Variants in NECTIN3 observed in about 807,000 individuals in gnomAD.
NECTIN3 encodes nectin cell adhesion molecule 3, also known as nectin-3.
Under a neutral mutation model 49.4 loss-of-function variants are expected in NECTIN3, and 8 were observed. The ratio of observed to expected loss-of-function variants is 0.16; its 90% confidence interval spans 0.10 to 0.29. NECTIN3 has a LOEUF of 0.29. Ranked by LOEUF, NECTIN3 falls within the 10% of genes least tolerant of loss-of-function variation. The pLI is 1.00. For synonymous variants in NECTIN3, 277 were observed against 241.1 expected (o/e 1.15, Z -1.38); for missense variants, 581 against 654.6 (o/e 0.89, Z 1.23).
At chr3:111,174,994 G>T (rs187947210) in intron 7 of NECTIN3, among the ~76,000 whole-genome samples, 88 of 152,244 alleles carry the variant, frequency 5.8e-4, no homozygotes, top group African/African-American at 2.1e-3. Context: ...ATTTCAGTGA[G>T]TGGTGGAGGT....
chr3:111,120,727 A>G (rs932255877), intron 3 of NECTIN3, among the ~76,000 whole-genome samples: 9 of 152,040 alleles, frequency 5.9e-5, no homozygotes, highest in African/African-American at 1.4e-4. Flanking sequence ...TTAGTTTTCT[A>G]TGTAGCTCAC....
chr3:111,145,780 T>C (rs1403751441), intron 6 of NECTIN3, among the ~76,000 whole-genome samples: 4 of 152,222 alleles, frequency 2.6e-5, no homozygotes, highest in Non-Finnish European at 5.9e-5. Context: ...TCTTATGTGG[T>C]TTATTAATGT....
intron 1 of NECTIN3, among the ~76,000 whole-genome samples, chr3:111,087,257 T>G (rs1027823122): frequency 2.0e-5 from 3 of 152,190 alleles, no homozygotes; most frequent in Non-Finnish European, 1.5e-5. Context: ...CAGTGTGATA[T>G]TAAAGTGGTG....
intron 1 of NECTIN3, among the ~76,000 whole-genome samples, chr3:111,094,567 A>G (rs1026259193): frequency 3.3e-5 from 5 of 152,194 alleles, no homozygotes; most frequent in African/African-American, 1.2e-4. Context: ...GCTATGATTT[A>G]TGACATATAA....
chr3:111,140,251 C>A (rs1407307930), downstream of NECTIN3, among the ~76,000 whole-genome samples: 1 of 151,820 alleles, frequency 6.6e-6, no homozygotes. Context: ...TCAATAACTT[C>A]TCCTTCACAT....
intron 7 of NECTIN3, among the ~76,000 whole-genome samples, chr3:111,162,733 C>T (rs2035239134): frequency 6.6e-6 from 1 of 152,162 alleles, no homozygotes; most frequent in Admixed American, 6.5e-5. Flanking sequence ...TTTCTCTCAG[C>T]TTCCATTAAT....
At chr3:111,167,536 A>G (rs2035342033) in intron 7 of NECTIN3, among the ~76,000 whole-genome samples, 1 of 152,232 alleles carries the variant, frequency 6.6e-6, no homozygotes, top group Non-Finnish European at 1.5e-5. Flanking sequence ...AAGAAACAAT[A>G]AAAGCTCAAT....
Position 111,071,975 on chromosome 3 carries a change from G to GC in NECTIN3, c.-41dup. On this transcript the variant is annotated 5_prime_UTR_variant, in exon 1 of 6. Coordinates refer to ENST00000485303, the MANE Select transcript of NECTIN3 (RefSeq NM_015480.3). ...AGCCTGAGGCGCCGGGGCCGGGGGAGCCGGGGGGCGGGCGGGCGAGCGGGC... is the reference window on the plus strand; with the variant it reads ...AGCCTGAGGCGCCGGGGCCGGGGGAGCCCGGGGGGCGGGCGGGCGAGCGGGC... The GC allele has an allele frequency of 3.1e-5, 43 of 1,370,022 alleles. No individual in the cohort carries two copies. Among genetic ancestry groups the GC allele is most frequent in the Non-Finnish European group, 3.8e-5 (40 of 1,050,886 alleles). 84.9% of individuals were successfully genotyped at this position (1,370,022 alleles called of 1,614,324 possible). A position where few individuals can be genotyped will look rare whatever the true frequency, so the allele number is the denominator to read the frequency against.
chr3:111,140,644 T>C (rs1197280148), downstream of NECTIN3, among the ~76,000 whole-genome samples: 2 of 151,910 alleles, frequency 1.3e-5, no homozygotes, highest in Non-Finnish European at 2.9e-5. Flanking sequence ...CATACAATTC[T>C]TCCTTTACAT....
At chr3:111,153,827 A>T (rs1011221572) in intron 7 of NECTIN3, among the ~76,000 whole-genome samples, 2 of 152,010 alleles carry the variant, frequency 1.3e-5, no homozygotes, top group Non-Finnish European at 2.9e-5. Context: ...TTTCTTTGTC[A>T]TTCATTTATC....
At chr3:111,165,000 C>T (rs2035289641) in intron 7 of NECTIN3, among the ~76,000 whole-genome samples, 1 of 152,068 alleles carries the variant, frequency 6.6e-6, no homozygotes. Context: ...TACAGCTAAG[C>T]TTAACTTTAA....
chr3:111,122,810 C>A (rs2034010384), intron 4 of NECTIN3, among the ~76,000 whole-genome samples: 1 of 151,984 alleles, frequency 6.6e-6, no homozygotes, highest in Non-Finnish European at 1.5e-5. Context: ...AAATTTCAAA[C>A]TGTTATACCA....
chr3:111,178,735 T>C (rs896006109), intron 7 of NECTIN3, among the ~76,000 whole-genome samples: 5 of 152,222 alleles, frequency 3.3e-5, no homozygotes, highest in Admixed American at 2.6e-4. Flanking sequence ...CTTCCCACTT[T>C]TTAGCCCCTT....
chr3:111,162,982 C>T (rs1319591386), intron 7 of NECTIN3, among the ~76,000 whole-genome samples: 3 of 152,198 alleles, frequency 2.0e-5, no homozygotes, highest in African/African-American at 7.2e-5. Context: ...AGCAGCCATT[C>T]TATTACTCTC....
intron 1 of NECTIN3, among the ~76,000 whole-genome samples, chr3:111,091,377 C>T (rs1427988295): frequency 6.6e-6 from 1 of 152,142 alleles, no homozygotes; most frequent in East Asian, 1.9e-4. Context: ...GCCTCAGCCT[C>T]CCGAGTAGCT....
Position 111,112,035 on chromosome 3 carries a change from T to G in NECTIN3, c.166T>G (p.Leu56Val). ...TACTTTTTTTTCCTCCATAGGTGCC[T>G]TAGCTGGACCAATTATTGTGGAGCC... ...LLLFSRLCGA[L>V]AGPIIVEPHV... Residue 56 changes from leucine (L) to valine (V), a missense_variant, in exon 2 of 6, where the codon TTA (leucine) becomes GTA (valine). Around this residue, in one of 3 missense-constraint regions of NECTIN3, gnomAD observed 109 missense variants for 69.1 expected, o/e 1.58. Coordinates refer to ENST00000485303, the MANE Select transcript of NECTIN3 (RefSeq NM_015480.3). The G allele has an allele frequency of 6.2e-7, 1 of 1,604,448 alleles. No homozygotes were observed. Among genetic ancestry groups the G allele is most frequent in the Non-Finnish European group, 8.5e-7 (1 of 1,174,632 alleles).
intron 1 of NECTIN3, among the ~76,000 whole-genome samples, chr3:111,110,479 C>A (rs934041115): frequency 7.9e-5 from 12 of 151,912 alleles, no homozygotes; most frequent in African/African-American, 2.9e-4. Flanking sequence ...TTAGAATAGT[C>A]CTACTTGGCT....
intron 1 of NECTIN3, chr3:111,077,401 C>T (rs1466011380): frequency 4.4e-6 from 1 of 229,512 alleles, no homozygotes; most frequent in African/African-American, 2.3e-5. Context: ...CTGTTGCACC[C>T]AATAGAGGCC....
chr3:111,122,641 C>G (rs1355567909), intron 4 of NECTIN3, among the ~76,000 whole-genome samples: 1 of 152,114 alleles, frequency 6.6e-6, no homozygotes, highest in Non-Finnish European at 1.5e-5. Flanking sequence ...ACTCAGTAAT[C>G]ACTGTTTGCT....
Sources: allele counts gnomAD v4.1 joint callset (sites outside exome capture counted in the v4.1 genomes callset), GRCh38; gene constraint gnomAD v4.1.1; regional missense constraint gnomAD v4.1.1; transcripts MANE v1.5; gene names NCBI Gene and HGNC (gene_info 2026-07-23, HGNC 2026-07-21).